SH3BGRL: variants seen among roughly 807,000 people sequenced by gnomAD.
SH3BGRL encodes SH3 domain binding glutamate rich protein like, also known as adapter SH3BGRL.
In SH3BGRL, 7 loss-of-function variants were observed where a neutral mutation model predicts 9.8. The ratio of observed to expected loss-of-function variants is 0.72; its 90% CI spans 0.41 to 1.35. SH3BGRL has a LOEUF of 1.35. Among genes scored for constraint, SH3BGRL ranks in the 40% most tolerant of loss-of-function variants. SH3BGRL has a pLI of 0.01. For synonymous variants in SH3BGRL, 36 were observed against 29.1 expected (o/e 1.24, Z -0.76); for missense variants, 73 against 84.4 (o/e 0.86, Z 0.53).
chrX:81,221,388 A>T (rs1460286062), intron 1 of SH3BGRL, among the ~76,000 whole-genome samples: 1 of 111,771 alleles, frequency 8.9e-6, no homozygotes. Flanking sequence ...AGAATCACCT[A>T]TTGTGCCAGA....
At chrX:81,254,908 T>TG (rs1359401007) in intron 1 of SH3BGRL, among the ~76,000 whole-genome samples, 16 of 107,920 alleles carry the variant, frequency 1.5e-4, no homozygotes, top group African/African-American at 4.7e-4. Context: ...TTTTTTTTTT[T>TG]TGATATGGAG....
At chrX:81,286,027 A>G (rs774410358) in intron 3 of SH3BGRL, among the ~76,000 whole-genome samples, 1 of 112,066 alleles carries the variant, frequency 8.9e-6, no homozygotes, top group Admixed American at 9.5e-5. Flanking sequence ...CATAAGGCAA[A>G]GAATCCTTCT....
At chrX:81,268,201 T>C (rs1411821805) in intron 1 of SH3BGRL, among the ~76,000 whole-genome samples, 5 of 111,422 alleles carry the variant, frequency 4.5e-5, no homozygotes, top group African/African-American at 1.6e-4. Context: ...GAAGGGTTTT[T>C]TTTGTGTCTC....
Position 81,297,355 on chromosome X carries a change from A to C in SH3BGRL, c.*128A>C. The stretch of plus-strand genomic sequence containing the variant: ...AATAATAGATTAGTTGGGTTTTCAC[A>C]TGCAAACATTCAAAATGAATACAAA... On this transcript the variant is annotated 3_prime_UTR_variant, in exon 4 of 4. Coordinates refer to ENST00000373212, the MANE Select transcript of SH3BGRL (RefSeq NM_003022.3). 2 of 510,198 alleles carry C rather than the reference A, an allele frequency of 3.9e-6. No individual in the cohort carries two copies. The highest frequency in any genetic ancestry group is 6.5e-6 in the Non-Finnish European group (2 of 309,080). The allele number at this position is 510,198 out of a possible 1,213,427, so 42.0% of individuals were successfully genotyped here.
In SH3BGRL at chrX:81,225,405, C is replaced by G. The variant is rs138227352; in HGVS notation, c.45+23160C>G. Among the ~76,000 whole-genome samples the G allele has an allele frequency of 1.1e-4, 12 of 110,962 alleles. No homozygotes were observed. In the East Asian group the frequency reaches 3.4e-3, roughly 32 times the overall value. On this transcript the variant is annotated intron_variant, in intron 1 of 3. Transcript: ENST00000373212. ...TAGATAAATTTTCATCTCTCACCCC[C>G]CTTCCACCCTCTCACCTTTAATAGT... is the stretch of plus-strand genomic sequence containing the variant.
chrX:81,247,739 GT>G (rs1487044821), intron 1 of SH3BGRL, among the ~76,000 whole-genome samples: 7 of 110,894 alleles, frequency 6.3e-5, no homozygotes, highest in Non-Finnish European at 1.3e-4. Flanking sequence ...TTGTGTCTAG[GT>G]TTATCAGGGA....
At chrX:81,211,145 T>C (rs961066047) in intron 1 of SH3BGRL, among the ~76,000 whole-genome samples, 2 of 111,967 alleles carry the variant, frequency 1.8e-5, no homozygotes, top group African/African-American at 6.5e-5. Context: ...TCTCACAAGC[T>C]GAATATGAGT....
At chrX:81,251,329 G>T (rs1352125425) in intron 1 of SH3BGRL, among the ~76,000 whole-genome samples, 1 of 111,084 alleles carries the variant, frequency 9.0e-6, no homozygotes, top group East Asian at 2.8e-4. Flanking sequence ...TTAGTTTAAA[G>T]CCACTCTTTT....
At chrX:81,264,493 C>T (rs922623750) in intron 1 of SH3BGRL, among the ~76,000 whole-genome samples, 2 of 111,808 alleles carry the variant, frequency 1.8e-5, no homozygotes, top group Non-Finnish European at 3.8e-5. Context: ...TGTCCGTAAA[C>T]GATTTTATCC....
chrX:81,218,191 A>C (rs2075587006), intron 1 of SH3BGRL, among the ~76,000 whole-genome samples: 1 of 110,202 alleles, frequency 9.1e-6, no homozygotes, highest in South Asian at 3.8e-4. Flanking sequence ...TGGTGGTTGG[A>C]TTTTTGTCCA....
chrX:81,242,035 G>A (rs973984791), intron 1 of SH3BGRL, among the ~76,000 whole-genome samples: 1 of 112,528 alleles, frequency 8.9e-6, no homozygotes, highest in South Asian at 3.7e-4. Context: ...AGTAGCATGA[G>A]CCAAGTGCAG....
intron 3 of SH3BGRL, among the ~76,000 whole-genome samples, chrX:81,286,517 AAAAAAAAG>A (rs2075834686): frequency 9.3e-6 from 1 of 107,029 alleles, no homozygotes. Context: ...AAAAAAAAAA[AAAAAAAAG>A]AGAGGGGAAA....
chrX:81,217,129 C>T (rs2075583761), intron 1 of SH3BGRL, among the ~76,000 whole-genome samples: 1 of 110,208 alleles, frequency 9.1e-6, no homozygotes, highest in Admixed American at 9.7e-5. Context: ...TGGATAAAAG[C>T]CATTTTATTT....
At chrX:81,250,016 G>A (rs182263047) in intron 1 of SH3BGRL, among the ~76,000 whole-genome samples, 169 of 109,100 alleles carry the variant, frequency 1.5e-3, no homozygotes, top group Middle Eastern at 4.7e-3. Flanking sequence ...ATATAATGAA[G>A]GTTTTAACTT....
At chrX:81,234,795 G>T (rs2075642727) in intron 1 of SH3BGRL, among the ~76,000 whole-genome samples, 1 of 111,753 alleles carries the variant, frequency 8.9e-6, no homozygotes, top group South Asian at 3.7e-4. Flanking sequence ...TTGTAATTCT[G>T]GGTTTTGAGT....
intron 1 of SH3BGRL, among the ~76,000 whole-genome samples, chrX:81,263,516 G>T (rs1375182117): frequency 8.9e-6 from 1 of 111,808 alleles, no homozygotes; most frequent in Admixed American, 9.5e-5. Flanking sequence ...GTACAGCCAT[G>T]CCCACTTTCT....
At chrX:81,284,696 A>T (rs1360073962) in intron 3 of SH3BGRL, among the ~76,000 whole-genome samples, 2 of 111,125 alleles carry the variant, frequency 1.8e-5, no homozygotes, top group Non-Finnish European at 3.8e-5. Context: ...CAGGAGGAAA[A>T]CTTATCCGCA....
At chrX:81,236,431 G>A (rs181736524) in intron 1 of SH3BGRL, among the ~76,000 whole-genome samples, 51 of 111,665 alleles carry the variant, frequency 4.6e-4, no homozygotes, top group African/African-American at 1.6e-3. Flanking sequence ...ACTAGTAAAC[G>A]ACTCAGTGTT....
chrX:81,266,569 T>C (rs111767056), intron 1 of SH3BGRL, among the ~76,000 whole-genome samples: 3,890 of 111,646 alleles, frequency 0.035, 169 homozygotes, highest in African/African-American at 0.12. Context: ...GTCTATATAT[T>C]TGTCTTGGTA....
Sources: allele counts gnomAD v4.1 joint callset (sites outside exome capture counted in the v4.1 genomes callset), GRCh38; gene constraint gnomAD v4.1.1; transcripts MANE v1.5; gene names NCBI Gene and HGNC (gene_info 2026-07-23, HGNC 2026-07-21).